Variants in UBN1 observed in about 807,000 individuals in gnomAD.
The protein encoded by UBN1 is ubinuclein-1.
In UBN1, 17 loss-of-function variants were observed where a neutral mutation model predicts 108.5. That is an observed-to-expected ratio of 0.16 (90% CI 0.11 to 0.24). The LOEUF is 0.24. UBN1 is among the 10% of genes least tolerant of loss of function. The pLI is 1.00. For missense variants in UBN1, 1,595 were observed against 1,394.4 expected (o/e 1.14, Z -2.29); for synonymous variants, 726 against 564.2 (o/e 1.29, Z -4.07).
rs764146451 is a variant in UBN1 at position 4,870,600 on chromosome 16, G to A, written c.1396G>A (p.Glu466Lys). ...MPEQMAKYQD[E>K]CQAHTQAKVA... is the part of the protein sequence containing the mutation. The stretch of plus-strand genomic sequence containing the variant: ...AGAGCAGATGGCCAAGTACCAGGAC[G>A]AATGCCAGGCACACACGCAGGCAAA... The change falls in exon 10 of 18, where the codon GAA becomes AAA. Residue 466 changes from glutamate to lysine, a missense_variant. By Grantham distance (56) the Glu-to-Lys change is moderately conservative. This residue lies in a region of UBN1 where 1,398 missense variants were observed against 1,194.7 expected (regional missense o/e 1.17). Transcript: ENST00000262376. 70 of 1,614,082 alleles carry A rather than the reference G, an allele frequency of 4.3e-5. No individual in the cohort carries two copies. The highest frequency in any genetic ancestry group is 1.6e-4 in the Middle Eastern group (1 of 6,084).
intron 1 of UBN1, among the ~76,000 whole-genome samples, chr16:4,850,383 A>C (rs1157543149): frequency 6.6e-6 from 1 of 152,106 alleles, no homozygotes; most frequent in Non-Finnish European, 1.5e-5. Flanking sequence ...GGACAGGGGG[A>C]GTAGGACCTG....
chr16:4,848,671 G>T (rs1038135288), intron 1 of UBN1, among the ~76,000 whole-genome samples: 5 of 152,214 alleles, frequency 3.3e-5, no homozygotes, highest in African/African-American at 1.2e-4. Context: ...TACTGCGTGT[G>T]TATTTTTAAG....
chr16:4,859,345 G>A (rs1389128512), intron 5 of UBN1, among the ~76,000 whole-genome samples, 186 bp downstream of exon 5: 1 of 152,190 alleles, frequency 6.6e-6, no homozygotes, highest in African/African-American at 2.4e-5. Context: ...GCCCGTGGGG[G>A]CTCTGTTCAG....
At chr16:4,854,777 C>G (rs575040299) in intron 2 of UBN1, among the ~76,000 whole-genome samples, 1 of 151,824 alleles carries the variant, frequency 6.6e-6, no homozygotes, top group South Asian at 2.1e-4. Context: ...GGCTGGCATG[C>G]AGTGGTGCAA....
Position 4,870,837 on chromosome 16 carries a change from C to G in UBN1, c.1431-7C>G. ...TGGGGCCCCATGTAATTCTATTCAC[C>G]CCGTAGGATGCTGGAAGAGGAGAAA... On this transcript the variant is annotated splice_region_variant and splice_polypyrimidine_tract_variant and intron_variant, in intron 10 of 17. Coordinates refer to ENST00000262376, the MANE Select transcript of UBN1 (RefSeq NM_001079514.3). The G allele has an allele frequency of 1.2e-6, 2 of 1,613,396 alleles. No individual in the cohort carries two copies. The highest frequency in any genetic ancestry group is 1.7e-6 in the Non-Finnish European group (2 of 1,179,684).
At chr16:4,878,515 A>C (rs1228513225) in intron 17 of UBN1, among the ~76,000 whole-genome samples, 1 of 152,138 alleles carries the variant, frequency 6.6e-6, no homozygotes, top group African/African-American at 2.4e-5. Flanking sequence ...AAATCTGTAA[A>C]TCTCCACAAT....
Position 4,875,011 on chromosome 16 carries a change from C to G in UBN1, c.2601C>G (p.Ala867=). 1.2e-6 allele frequency: 2 copies of G among 1,614,124 alleles called. No individual in the cohort carries two copies. Among genetic ancestry groups the G allele is most frequent in the Non-Finnish European group, 1.7e-6 (2 of 1,180,046 alleles). Residue 867 remains alanine (A), a synonymous_variant, in exon 15 of 18, where the codon GCC becomes GCG. Transcript: ENST00000262376. ...CAGCCACCTCAGGAGGCCTGTCAGC[C>G]TCCAGCAGCAGCTCTCACAAGACCC... ...SAPATSGGLS[A]SSSSSHKTPA... is the part of the protein sequence containing the mutation.
chr16:4,876,948 G>C lies in UBN1; in HGVS notation c.3102G>C (p.Leu1034=). The change falls in exon 16 of 18, where the codon CTG becomes CTC. Residue 1034 remains leucine, a synonymous_variant. Coordinates refer to ENST00000262376, the MANE Select transcript of UBN1 (RefSeq NM_001079514.3). The part of the protein sequence containing the change: ...ASPYKSSSPK[L]SGAMSSNSLG... ...CCTACAAATCCAGCAGCCCAAAGCT[G>C]TCTGGGGCCATGAGCTCGAACTCCT... 1 of 1,614,228 alleles carries C rather than the reference G, an allele frequency of 6.2e-7. No homozygotes were observed. The highest frequency in any genetic ancestry group is 8.5e-7 in the Non-Finnish European group (1 of 1,180,050).
chr16:4,858,113 T>A, intron 3 of UBN1, 37 bp downstream of exon 3: 1 of 1,400,930 alleles, frequency 7.1e-7, no homozygotes, highest in African/African-American at 1.4e-5. Context: ...ACAACCTCAT[T>A]GGGTGGGAGA....
At chr16:4,857,187 TAAAA>T (rs775608869) in intron 2 of UBN1, among the ~76,000 whole-genome samples, 11 of 145,176 alleles carry the variant, frequency 7.6e-5, no homozygotes, top group Non-Finnish European at 1.5e-4. Context: ...ACAAAAAACT[TAAAA>T]AAAAAAAATT....
chr16:4,858,576 G>T lies in UBN1; in HGVS notation c.345G>T (p.Lys115Asn). The T allele has an allele frequency of 1.2e-6, 2 of 1,614,090 alleles. No individual in the cohort carries two copies. Among genetic ancestry groups the T allele is most frequent in the Non-Finnish European group, 1.7e-6 (2 of 1,179,968 alleles). Residue 115 changes from lysine (K) to asparagine (N), a missense_variant, in exon 4 of 18, where the codon AAG becomes AAT. Transcript: ENST00000262376. ...ARKFEEKYGG[K>N]KRRKDRIQDL... ...TTGCTTTCACATTTTAGGGTGGAAA[G>T]AAACGTAGAAAAGACCGAATACAGG...
chr16:4,858,934 G>A, intron 4 of UBN1, 91 bp from the exon 5 acceptor site: 1 of 1,503,122 alleles, frequency 6.7e-7, no homozygotes, highest in South Asian at 1.3e-5. Context: ...AAGTGGCAGA[G>A]GAGCACAGTC....
intron 7 of UBN1, among the ~76,000 whole-genome samples, chr16:4,868,019 A>G (rs1310206069): frequency 6.6e-6 from 1 of 152,184 alleles, no homozygotes; most frequent in Non-Finnish European, 1.5e-5. Context: ...GAGAGTGTGC[A>G]TTCCTGAATC....
intron 12 of UBN1, 118 bp downstream of exon 12, chr16:4,871,419 C>CAGGTGAGATCAGAGT: frequency 1.4e-6 from 2 of 1,393,984 alleles, no homozygotes; most frequent in Non-Finnish European, 1.9e-6. Flanking sequence ...TGCCTCAACT[C>CAGGTGAGATCAGAGT]TGATCTCACC....
intron 5 of UBN1, among the ~76,000 whole-genome samples, chr16:4,859,482 C>T (rs1016280918): frequency 3.3e-5 from 5 of 152,236 alleles, no homozygotes; most frequent in African/African-American, 9.6e-5. Flanking sequence ...TGACCCTCTT[C>T]TGTGGACATG....
Position 4,868,817 on chromosome 16 carries a change from G to C in UBN1, c.1111-16G>C. On this transcript the variant is annotated splice_polypyrimidine_tract_variant and intron_variant, in intron 7 of 17. Coordinates refer to ENST00000262376, the MANE Select transcript of UBN1 (RefSeq NM_001079514.3). ...GGAAAGTGCACTAACGGCTGTTACT[G>C]TCTGCTGTGCACCAGGCTGCCAGAG... is the stretch of plus-strand genomic sequence containing the variant. The C allele has an allele frequency of 1.2e-6, 2 of 1,613,290 alleles. No individual in the cohort carries two copies. Among genetic ancestry groups the C allele is most frequent in the South Asian group, 1.1e-5 (1 of 90,986 alleles).
rs149516228 is a variant in UBN1, at chr16:4,875,293, C to A, written c.2883C>A (p.Ser961=). 2 of 1,614,222 alleles carry A rather than the reference C, an allele frequency of 1.2e-6. No homozygotes were observed. Among genetic ancestry groups the A allele is most frequent in the Admixed American group, 3.3e-5 (2 of 60,030 alleles). ...CAGCAGGGAAAAAAATGCCTGTTTC[C>A]CAGAAGTTGACTCTGGTAGCCCCTC... ...PSSAGKKMPV[S]QKLTLVAPPG... The change falls in exon 15 of 18, where the codon TCC becomes TCA. Residue 961 remains serine, a synonymous_variant. Transcript: ENST00000262376.
Position 4,853,134 on chromosome 16 carries a change from G to A in UBN1, c.217G>A (p.Gly73Arg). The A allele has an allele frequency of 6.2e-7, 1 of 1,614,218 alleles. No individual in the cohort carries two copies. The highest frequency in any genetic ancestry group is 8.5e-7 in the Non-Finnish European group (1 of 1,180,042). Residue 73 changes from glycine to arginine, a missense_variant, in exon 2 of 18, where the codon GGG becomes AGG. Gly to Arg is a moderately radical substitution (Grantham distance 125). This residue lies in a region of UBN1 where 181 missense variants were observed against 157.3 expected (regional missense o/e 1.15). Coordinates refer to ENST00000262376, the MANE Select transcript of UBN1 (RefSeq NM_001079514.3). Reference sequence around the variant, plus strand: ...CCCAGAGCTGGTGAAGAATATCCGAGGGAAGGTAAAAGGCCTTCAGCCTGG... The same window carrying A: ...CCCAGAGCTGGTGAAGAATATCCGAAGGAAGGTAAAAGGCCTTCAGCCTGG... ...FYPELVKNIRGKVKGLQPGDK... is the reference protein window; with the variant it reads ...FYPELVKNIRRKVKGLQPGDK...
intron 7 of UBN1, among the ~76,000 whole-genome samples, chr16:4,864,455 A>G (rs2087224883): frequency 6.6e-6 from 1 of 152,344 alleles, no homozygotes; most frequent in Middle Eastern, 3.4e-3. Context: ...TGCCTCTGCC[A>G]CGTTCACTAC....
Sources: gnomAD v4.1 joint callset for allele counts (sites outside exome capture counted in the v4.1 genomes callset) on GRCh38, gnomAD v4.1.1 for gene constraint, gnomAD v4.1.1 regional missense constraint, MANE v1.5 for transcripts, NCBI Gene and HGNC (gene_info 2026-07-23, HGNC 2026-07-21) for gene names.